The following RABGAP1L variants were observed in gnomAD, a reference collection of about 807,000 sequenced individuals.
The protein encoded by RABGAP1L is RAB GTPase activating protein 1 like.
In RABGAP1L, 63 loss-of-function variants were observed where a neutral mutation model predicts 137.7. That is an observed-to-expected ratio of 0.46 (90% CI 0.37 to 0.56). The LOEUF (loss-of-function observed/expected upper bound fraction) is 0.56. Among genes scored for constraint, RABGAP1L ranks in the 20% least tolerant of loss-of-function variants. The probability of loss-of-function intolerance (pLI) is 0.00; values close to 1 mark genes in which losing one functional copy is unlikely to be tolerated. For missense variants in RABGAP1L, 1,095 were observed against 1,244.0 expected (o/e 0.88, Z 1.80); for synonymous variants, 431 against 433.7 (o/e 0.99, Z 0.08).
intron 7 of RABGAP1L, among the ~76,000 whole-genome samples, chr1:174,262,535 C>T (rs965367240): frequency 6.6e-6 from 1 of 152,094 alleles, no homozygotes; most frequent in African/African-American, 2.4e-5. Context: ...TTCCCCATTT[C>T]CCCCTATGGT....
At chr1:174,510,539 C>T (rs981369145) in intron 13 of RABGAP1L, among the ~76,000 whole-genome samples, 2 of 152,132 alleles carry the variant, frequency 1.3e-5, no homozygotes, top group African/African-American at 4.8e-5. Context: ...AATTATATTA[C>T]TTCTAATCTA....
chr1:174,902,241 C>T (rs565051636), intron 19 of RABGAP1L, among the ~76,000 whole-genome samples: 1 of 152,280 alleles, frequency 6.6e-6, no homozygotes, highest in South Asian at 2.1e-4. Flanking sequence ...GAGGTCCCTT[C>T]CTTGTTTGGA....
At chr1:174,843,849 G>A (rs1202182910) in intron 19 of RABGAP1L, among the ~76,000 whole-genome samples, 1 of 131,790 alleles carries the variant, frequency 7.6e-6, no homozygotes, top group African/African-American at 2.9e-5. Context: ...CACCAACAGT[G>A]TAAAAGTGTT....
intron 13 of RABGAP1L, among the ~76,000 whole-genome samples, chr1:174,622,349 A>G (rs1024045833): frequency 2.0e-5 from 3 of 152,238 alleles, no homozygotes; most frequent in Non-Finnish European, 2.9e-5. Flanking sequence ...CCATCCCATT[A>G]CTGGGTATAT....
chr1:174,376,074 G>A (rs553329819), intron 12 of RABGAP1L, among the ~76,000 whole-genome samples: 1 of 150,034 alleles, frequency 6.7e-6, no homozygotes, highest in Admixed American at 6.7e-5. Flanking sequence ...AGAAAATAAA[G>A]TAGAGTAAAG....
chr1:174,696,025 G>T (rs1453547990), intron 15 of RABGAP1L, among the ~76,000 whole-genome samples: 1 of 152,108 alleles, frequency 6.6e-6, no homozygotes, highest in African/African-American at 2.4e-5. Flanking sequence ...CACCACAGCT[G>T]GGACTGGCTA....
Position 174,761,954 on chromosome 1 carries a change from G to C in RABGAP1L, c.2211+9600G>C, listed in dbSNP as rs1685263248. On this transcript the variant is annotated intron_variant, in intron 18 of 25. Coordinates refer to ENST00000681986, the MANE Select transcript of RABGAP1L (RefSeq NM_001366446.1). This position sits in a 1 kb window ranked among gnomAD's most constrained non-coding sequence, Gnocchi z 4.0. ...AAAGGAAAAGTACCGCAGGGTGATGGGAGTTATGGGTAGGTTGCAATGTTA... is the reference window on the plus strand; with the variant it reads ...AAAGGAAAAGTACCGCAGGGTGATGCGAGTTATGGGTAGGTTGCAATGTTA... 6.6e-6 allele frequency among the ~76,000 whole-genome samples: 1 copy of C among 152,112 alleles called. No individual in the cohort carries two copies. Among genetic ancestry groups the C allele is most frequent in the Non-Finnish European group, 1.5e-5 (1 of 68,006 alleles).
At chr1:174,231,436 AGAACTTACTGT>A in intron 4 of RABGAP1L, 81 bp downstream of exon 4, 1 of 1,289,870 alleles carries the variant, frequency 7.8e-7, no homozygotes, top group Non-Finnish European at 1.1e-6. Context: ...CATCAGGTGT[AGAACTTACTGT>A]GAACTCACAC....
At chr1:174,452,500 C>T (rs1353900212) in intron 13 of RABGAP1L, among the ~76,000 whole-genome samples, 3 of 152,186 alleles carry the variant, frequency 2.0e-5, no homozygotes, top group African/African-American at 7.2e-5. Flanking sequence ...GTGTGCCCAG[C>T]ATAGCTCCTG....
At chr1:174,216,109 A>C (rs1360844165) in intron 1 of RABGAP1L, among the ~76,000 whole-genome samples, 2 of 152,172 alleles carry the variant, frequency 1.3e-5, no homozygotes, top group African/African-American at 4.8e-5. Flanking sequence ...ACTCATGTAG[A>C]TAGAGAATTA....
intron 13 of RABGAP1L, among the ~76,000 whole-genome samples, chr1:174,444,596 TTTA>T (rs1408487945): frequency 6.6e-6 from 1 of 152,102 alleles, no homozygotes; most frequent in Non-Finnish European, 1.5e-5. Context: ...TGGGAGACTT[TTTA>T]TTATTGCTTC....
At chr1:174,726,517 G>T (rs1488058433) in intron 17 of RABGAP1L, among the ~76,000 whole-genome samples, 1 of 151,282 alleles carries the variant, frequency 6.6e-6, no homozygotes, top group Non-Finnish European at 1.5e-5. Context: ...CTTTCCTGGT[G>T]GTCTAATTGC....
chr1:174,627,694 A>G (rs765447107), intron 13 of RABGAP1L, among the ~76,000 whole-genome samples: 23 of 152,224 alleles, frequency 1.5e-4, no homozygotes, highest in Non-Finnish European at 2.5e-4. Flanking sequence ...GAAATTAAAG[A>G]GAACCCTTGA....
chr1:174,589,294 G>C lies in RABGAP1L; in HGVS notation c.1711-48081G>C, dbSNP rs371046742. The stretch of plus-strand genomic sequence containing the variant: ...AAATCTTTTGCCCATTTTTAAATTG[G>C]ATTATTAGATTTTTTTTCTATTGAG... On this transcript the variant is annotated intron_variant, in intron 13 of 25. Coordinates refer to ENST00000681986, the MANE Select transcript of RABGAP1L (RefSeq NM_001366446.1). Among the ~76,000 whole-genome samples the C allele has an allele frequency of 3.9e-5, 6 of 152,072 alleles. No individual in the cohort carries two copies. In the East Asian group the frequency reaches 1.2e-3, roughly 29 times the overall value.
At chr1:174,349,081 CG>C (rs1461421943) in intron 11 of RABGAP1L, among the ~76,000 whole-genome samples, 14 of 141,262 alleles carry the variant, frequency 9.9e-5, no homozygotes, top group Admixed American at 4.9e-4. Context: ...CCCTCCAAGA[CG>C]GGGCGGCTGG....
rs1423079776 is a variant in RABGAP1L, at chr1:174,993,868, G to A, written c.*3867G>A. 6.6e-6 allele frequency: 1 copy of A among 152,228 alleles called. No homozygotes were observed. The highest frequency in any genetic ancestry group is 1.5e-5 in the Non-Finnish European group (1 of 68,048). The allele number at this position is 152,228 out of a possible 1,614,324, so 9.4% of individuals were successfully genotyped here. On this transcript the variant is annotated 3_prime_UTR_variant, in exon 26 of 26. Coordinates refer to ENST00000681986, the MANE Select transcript of RABGAP1L (RefSeq NM_001366446.1). Reference sequence around the variant, plus strand: ...TCCTTTTCTCCAATTACAAATGAGTGTGAAGAAATTCTGTTGTATGATTTG... The same window carrying A: ...TCCTTTTCTCCAATTACAAATGAGTATGAAGAAATTCTGTTGTATGATTTG...
intron 19 of RABGAP1L, among the ~76,000 whole-genome samples, chr1:174,891,933 G>A (rs1036483314): frequency 6.6e-6 from 1 of 151,552 alleles, no homozygotes; most frequent in East Asian, 1.9e-4. Flanking sequence ...TTACTCATAA[G>A]TTTACTACTC....
intron 13 of RABGAP1L, among the ~76,000 whole-genome samples, chr1:174,438,332 A>G (rs1558234406): frequency 6.6e-6 from 1 of 152,160 alleles, no homozygotes; most frequent in Non-Finnish European, 1.5e-5. Context: ...CAGTTCTACA[A>G]AAAGCTGCTT....
At chr1:174,925,080 G>A (rs974188680) in intron 19 of RABGAP1L, among the ~76,000 whole-genome samples, 1 of 152,036 alleles carries the variant, frequency 6.6e-6, no homozygotes, top group African/African-American at 2.4e-5. Context: ...AAAGACAGCG[G>A]GTGGGCCGGG....
Sources: allele counts gnomAD v4.1 joint callset (sites outside exome capture counted in the v4.1 genomes callset), GRCh38; gene constraint gnomAD v4.1.1; non-coding constraint Gnocchi (gnomAD v3.1); transcripts MANE v1.5; gene names NCBI Gene and HGNC (gene_info 2026-07-23, HGNC 2026-07-21).